Variants in COL25A1 observed in about 807,000 individuals in gnomAD.
COL25A1 encodes the protein collagen alpha-1(XXV) chain.
A neutral mutation model predicts 128.4 loss-of-function variants in COL25A1; 103 were observed. The observed-to-expected ratio is 0.80, with a 90% CI of 0.68 to 0.94. The LOEUF is 0.94. COL25A1 is among the 40% of genes least tolerant of loss of function. COL25A1 has a pLI of 0.00. For missense variants in COL25A1, 745 were observed against 840.0 expected, an observed-to-expected ratio of 0.89 and a Z score of 1.40; for synonymous variants, 279 against 277.2, an observed-to-expected ratio of 1.01 and a Z score of -0.06.
At chr4:109,181,355 G>A (rs1236197664) in intron 3 of COL25A1, among the ~76,000 whole-genome samples, 1 of 151,944 alleles carries the variant, frequency 6.6e-6, no homozygotes, top group Non-Finnish European at 1.5e-5. Flanking sequence ...TCTAAATGGC[G>A]ACTATTTGAT....
intron 37 of COL25A1, among the ~76,000 whole-genome samples, chr4:108,815,990 G>A (rs951455804): frequency 6.6e-6 from 1 of 152,044 alleles, no homozygotes; most frequent in Non-Finnish European, 1.5e-5. Flanking sequence ...TAGATTACAG[G>A]GCAAAGGTTA....
intron 16 of COL25A1, among the ~76,000 whole-genome samples, chr4:108,891,941 T>C (rs920441101): frequency 1.3e-5 from 2 of 152,076 alleles, no homozygotes; most frequent in Non-Finnish European, 2.9e-5. Context: ...GCCAATATAT[T>C]TGTGGAAATC....
intron 3 of COL25A1, among the ~76,000 whole-genome samples, chr4:109,163,338 C>T (rs1194629442): frequency 6.6e-6 from 1 of 152,184 alleles, no homozygotes; most frequent in Non-Finnish European, 1.5e-5. Context: ...CTTTACGTTG[C>T]CAGTTCATCT....
At chr4:109,239,420 A>ATATGTATT (rs1553965400) in intron 3 of COL25A1, among the ~76,000 whole-genome samples, 2 of 124,356 alleles carry the variant, frequency 1.6e-5, no homozygotes, top group African/African-American at 2.9e-5. Flanking sequence ...ATATATATAT[A>ATATGTATT]TATTTATTTA....
chr4:109,117,669 A>G lies in COL25A1; in HGVS notation c.368-67490T>C, dbSNP rs147551738. ...TTATTCAAAATAATAGCAACAATGT[A>G]TTCAGTTATGTGTGCTCATGTGTAT... On this transcript the variant is annotated intron_variant, in intron 3 of 37. Transcript: ENST00000399132. Among the ~76,000 whole-genome samples, 1,498 of 152,122 alleles carry G rather than the reference A, an allele frequency of 9.8e-3. 17 individuals are homozygous for G. The highest frequency in any genetic ancestry group is 0.025 in the African/African-American group (1,035 of 41,556).
At chr4:109,074,553 A>T (rs1763238775) in intron 3 of COL25A1, among the ~76,000 whole-genome samples, 1 of 152,212 alleles carries the variant, frequency 6.6e-6, no homozygotes, top group South Asian at 2.1e-4. Context: ...TATATAATCC[A>T]AAGAGTTCTC....
At chr4:108,931,317 A>G (rs1578802895) in intron 11 of COL25A1, among the ~76,000 whole-genome samples, 2 of 152,200 alleles carry the variant, frequency 1.3e-5, no homozygotes, top group African/African-American at 4.8e-5. Flanking sequence ...CAGATGAGGA[A>G]TCTAAGGCCT....
chr4:108,900,180 G>A (rs910435389), intron 14 of COL25A1, among the ~76,000 whole-genome samples: 9 of 152,070 alleles, frequency 5.9e-5, no homozygotes, highest in Admixed American at 6.6e-5. Context: ...CCTGATGGTC[G>A]CTAGGCAACA....
At chr4:108,901,229 T>C in intron 13 of COL25A1, 57 bp from the exon 14 acceptor site, 2 of 1,185,884 alleles carry the variant, frequency 1.7e-6, no homozygotes, top group South Asian at 1.2e-5. Context: ...ATACATTACA[T>C]GGATCATTAG....
intron 6 of COL25A1, among the ~76,000 whole-genome samples, chr4:108,989,173 G>C (rs62313678): frequency 0.14 from 20,919 of 152,228 alleles, 2,104 homozygotes; most frequent in East Asian, 0.4. Flanking sequence ...AGTTAGAGGA[G>C]GCTTCCATCC....
intron 5 of COL25A1, among the ~76,000 whole-genome samples, chr4:109,040,043 C>T (rs1759735707): frequency 6.6e-6 from 1 of 152,094 alleles, no homozygotes; most frequent in Non-Finnish European, 1.5e-5. Context: ...CTTAAGGATG[C>T]ATGAGAACTT....
At chr4:109,254,976 T>A (rs1698384765) in intron 3 of COL25A1, among the ~76,000 whole-genome samples, 3 of 152,210 alleles carry the variant, frequency 2.0e-5, no homozygotes. Flanking sequence ...ATTGCACTAA[T>A]GCAAATACAA....
chr4:109,130,480 C>T (rs757703420), intron 3 of COL25A1, among the ~76,000 whole-genome samples: 8 of 151,828 alleles, frequency 5.3e-5, no homozygotes, highest in Non-Finnish European at 7.4e-5. Context: ...TAGAATGGAG[C>T]GATCAAGGAT....
chr4:108,869,068 A>G lies in COL25A1; in HGVS notation c.1083+20T>C. ...AAGAAAGAAAAAGAAAGAAAGAAGG[A>G]AAGAAAGAGGCCCACTTACTTTTGT... On this transcript the variant is annotated intron_variant, in intron 20 of 37. Coordinates refer to ENST00000399132, the MANE Select transcript of COL25A1 (RefSeq NM_198721.4). 6.6e-7 allele frequency: 1 copy of G among 1,515,934 alleles called. No homozygotes were observed. Among genetic ancestry groups the G allele is most frequent in the South Asian group, 1.2e-5 (1 of 84,350 alleles). 93.9% of individuals were successfully genotyped at this position (1,515,934 alleles called of 1,614,324 possible). A position where few individuals can be genotyped will look rare whatever the true frequency, so the allele number is the denominator to read the frequency against.
intron 6 of COL25A1, among the ~76,000 whole-genome samples, chr4:109,001,740 T>G (rs1033473343): frequency 2.6e-5 from 4 of 152,098 alleles, no homozygotes; most frequent in African/African-American, 9.7e-5. Flanking sequence ...ATGTTTAAGG[T>G]CTCCATTGAA....
At chr4:108,926,917 A>C (rs1746127883) in intron 11 of COL25A1, among the ~76,000 whole-genome samples, 1 of 152,166 alleles carries the variant, frequency 6.6e-6, no homozygotes, top group Non-Finnish European at 1.5e-5. Flanking sequence ...AAATGTTTAG[A>C]ATATAAGAGA....
At chr4:109,212,604 G>A (rs1777661932) in intron 3 of COL25A1, among the ~76,000 whole-genome samples, 1 of 152,130 alleles carries the variant, frequency 6.6e-6, no homozygotes, top group Non-Finnish European at 1.5e-5. Context: ...GTATGCCCAT[G>A]TCAGAAGGGA....
At chr4:109,285,105 T>C (rs1723749558) in intron 3 of COL25A1, among the ~76,000 whole-genome samples, 1 of 152,100 alleles carries the variant, frequency 6.6e-6, no homozygotes. Context: ...TGCACAAATT[T>C]AAGAAAGAAA....
intron 5 of COL25A1, among the ~76,000 whole-genome samples, chr4:109,026,205 G>A (rs1430565849): frequency 6.6e-6 from 1 of 151,572 alleles, no homozygotes; most frequent in African/African-American, 2.4e-5. Flanking sequence ...CCTGACTAGG[G>A]GTAATGTAAT....
Sources: allele counts gnomAD v4.1 joint callset (sites outside exome capture counted in the v4.1 genomes callset), GRCh38; gene constraint gnomAD v4.1.1; transcripts MANE v1.5; gene names NCBI Gene and HGNC (gene_info 2026-07-23, HGNC 2026-07-21).